ASTN2: variants seen among roughly 807,000 people sequenced by gnomAD.
The protein encoded by ASTN2 is astrotactin-2.
ASTN2 carries 54 observed loss-of-function variants against 139.8 expected under a neutral mutation model. That is an observed-to-expected ratio of 0.39 (90% CI 0.31 to 0.48). ASTN2 has a LOEUF of 0.48. ASTN2 is among the 20% of genes least tolerant of loss of function. The pLI is 0.95. For synonymous variants in ASTN2, 756 were observed against 719.5 expected (o/e 1.05, Z -0.81); for missense variants, 1,565 against 1,725.1 (o/e 0.91, Z 1.64).
chr9:116,890,873 A>G (rs887956592), intron 10 of ASTN2, among the ~76,000 whole-genome samples: 2 of 152,182 alleles, frequency 1.3e-5, no homozygotes, highest in African/African-American at 4.8e-5. Flanking sequence ...AAGAAAATGT[A>G]TCATTGATCT....
chr9:117,039,915 T>A lies in ASTN2; in HGVS notation c.1327A>T (p.Ser443Cys), dbSNP rs769085242. The change falls in exon 6 of 23, where the codon AGT (serine) becomes TGT (cysteine). Residue 443 changes from serine to cysteine, a missense_variant. Transcript: ENST00000313400. ...NKTALTLIAV[S>C]SCILAMVCGS... Reference sequence around the variant, plus strand: ...CACACCATGGCCAGGATGCAGGAACTCACAGCAATCAGTGTCAGGGCTGTC... The same window carrying A: ...CACACCATGGCCAGGATGCAGGAACACACAGCAATCAGTGTCAGGGCTGTC... The A allele has an allele frequency of 1.2e-6, 2 of 1,613,720 alleles. No homozygotes were observed. Among genetic ancestry groups the A allele is most frequent in the Non-Finnish European group, 1.7e-6 (2 of 1,179,866 alleles).
intron 20 of ASTN2, among the ~76,000 whole-genome samples, chr9:116,485,016 T>C (rs1162567006): frequency 6.6e-6 from 1 of 152,206 alleles, no homozygotes; most frequent in African/African-American, 2.4e-5. Context: ...TATTAGTGAA[T>C]AGGAATCACC....
intron 12 of ASTN2, among the ~76,000 whole-genome samples, chr9:116,812,982 G>T (rs1341204900): frequency 6.6e-6 from 1 of 152,098 alleles, no homozygotes; most frequent in Non-Finnish European, 1.5e-5. Context: ...AAGGGCATAG[G>T]AAGGTTTATG....
chr9:116,514,761 A>C (rs1850564488), intron 19 of ASTN2, among the ~76,000 whole-genome samples: 1 of 152,188 alleles, frequency 6.6e-6, no homozygotes, highest in African/African-American at 2.4e-5. Context: ...TGCAAGCAGT[A>C]AGCGAGGCTC....
intron 4 of ASTN2, among the ~76,000 whole-genome samples, chr9:117,109,249 T>G (rs755747703): frequency 6.6e-6 from 1 of 151,826 alleles, no homozygotes; most frequent in Non-Finnish European, 1.5e-5. Flanking sequence ...GCCACTGCAC[T>G]CCAGCCTGGG....
At chr9:116,744,364 G>A (rs1184283886) in intron 13 of ASTN2, among the ~76,000 whole-genome samples, 1 of 152,126 alleles carries the variant, frequency 6.6e-6, no homozygotes, top group Non-Finnish European at 1.5e-5. Flanking sequence ...TTCATTCTAA[G>A]GGTAAGGAGA....
intron 19 of ASTN2, among the ~76,000 whole-genome samples, chr9:116,493,129 C>T (rs1411852491): frequency 6.6e-6 from 1 of 152,044 alleles, no homozygotes; most frequent in African/African-American, 2.4e-5. Context: ...CACCTTAATT[C>T]AAGGATTTGC....
chr9:117,093,453 G>A (rs1377846937), intron 5 of ASTN2, among the ~76,000 whole-genome samples: 2 of 152,082 alleles, frequency 1.3e-5, no homozygotes, highest in East Asian at 3.9e-4. Context: ...TAAGTGGGGG[G>A]GCTGGGATTT....
At position 116,651,539 on chromosome 9, in the gene ASTN2, C is replaced by T. The variant is rs1857914831; in HGVS notation, c.3061G>A (p.Gly1021Ser). The T allele has an allele frequency of 6.2e-7, 1 of 1,613,538 alleles. No individual in the cohort carries two copies. Among genetic ancestry groups the T allele is most frequent in the Non-Finnish European group, 8.5e-7 (1 of 1,179,660 alleles). Residue 1021 changes from glycine to serine, a missense_variant, in exon 17 of 23, where the codon GGC becomes AGC. This residue lies in a region of ASTN2 where 418 missense variants were observed against 465.8 expected (regional missense o/e 0.90). Coordinates refer to ENST00000313400, the MANE Select transcript of ASTN2 (RefSeq NM_001365068.1). ...VPLYTLIQDN[G>S]TKEAFKSALM... The stretch of plus-strand genomic sequence containing the variant: ...CCAGGGGAGCTCACCTCCTTTGTGC[C>T]ATTGTCTTGGATGAGGGTATAAAGT...
chr9:116,769,600 A>G (rs933624565), intron 13 of ASTN2, among the ~76,000 whole-genome samples: 3 of 152,140 alleles, frequency 2.0e-5, no homozygotes, highest in African/African-American at 4.8e-5. Flanking sequence ...AAGATTGGAG[A>G]GGATGGGGTA....
chr9:116,958,287 C>T (rs1281499595), intron 10 of ASTN2, among the ~76,000 whole-genome samples: 3 of 152,064 alleles, frequency 2.0e-5, no homozygotes, highest in Non-Finnish European at 4.4e-5. Flanking sequence ...GAGCCACTCA[C>T]TTAAACTAAA....
intron 10 of ASTN2, among the ~76,000 whole-genome samples, chr9:116,898,104 G>A (rs1013356522): frequency 2.6e-5 from 4 of 152,074 alleles, no homozygotes; most frequent in African/African-American, 7.2e-5. Context: ...GAGACTACAC[G>A]ATAATGTGGA....
rs114180730 is a variant in ASTN2, at chr9:117,343,493, C to T, written c.443-51980G>A. On this transcript the variant is annotated intron_variant, in intron 1 of 22. Coordinates refer to ENST00000313400, the MANE Select transcript of ASTN2 (RefSeq NM_001365068.1). Reference sequence around the variant, plus strand: ...CATTGACAATAGTAACAATAGATAACGTTTGTGTGGCACTCCCCAAGACTC... The same window carrying T: ...CATTGACAATAGTAACAATAGATAATGTTTGTGTGGCACTCCCCAAGACTC... Among the ~76,000 whole-genome samples the T allele has an allele frequency of 4.2e-3, 643 of 152,196 alleles. 7 individuals are homozygous for T. The highest frequency in any genetic ancestry group is 0.015 in the African/African-American group (605 of 41,528).
At chr9:117,376,734 G>A (rs1283573682) in intron 1 of ASTN2, among the ~76,000 whole-genome samples, 1 of 152,054 alleles carries the variant, frequency 6.6e-6, no homozygotes, top group East Asian at 1.9e-4. Context: ...GGAAAATCGG[G>A]GCTATGATGT....
At chr9:116,984,792 C>T (rs1836630833) in intron 7 of ASTN2, among the ~76,000 whole-genome samples, 1 of 152,220 alleles carries the variant, frequency 6.6e-6, no homozygotes, top group South Asian at 2.1e-4. Context: ...GGACCTCAGC[C>T]TTCCCATCTG....
intron 2 of ASTN2, among the ~76,000 whole-genome samples, chr9:117,266,593 C>CCTA (rs1468861239): frequency 1.3e-5 from 2 of 152,146 alleles, no homozygotes; most frequent in African/African-American, 4.8e-5. Context: ...TCCCTTTTCT[C>CCTA]CTAGATAACT....
intron 7 of ASTN2, among the ~76,000 whole-genome samples, chr9:117,003,041 G>A (rs541502736): frequency 6.6e-6 from 1 of 152,128 alleles, no homozygotes; most frequent in Admixed American, 6.6e-5. Flanking sequence ...TTCTTTTTCT[G>A]TGAAAGGGAC....
chr9:116,905,809 G>A (rs113093575), intron 10 of ASTN2, among the ~76,000 whole-genome samples: 2,766 of 142,732 alleles, frequency 0.019, 84 homozygotes, highest in African/African-American at 0.065. Context: ...ACGGTGCTCA[G>A]GGCACCCAGA....
chr9:116,649,660 C>T (rs572858441), intron 17 of ASTN2, among the ~76,000 whole-genome samples: 21 of 151,736 alleles, frequency 1.4e-4, no homozygotes, highest in South Asian at 4.2e-4. Context: ...CACTACAGCT[C>T]ATTCATTTTG....
Sources: gnomAD v4.1 joint callset for allele counts (sites outside exome capture counted in the v4.1 genomes callset) on GRCh38, gnomAD v4.1.1 for gene constraint, gnomAD v4.1.1 regional missense constraint, MANE v1.5 for transcripts, NCBI Gene and HGNC (gene_info 2026-07-23, HGNC 2026-07-21) for gene names.